Variants in NUDT3 observed in about 807,000 individuals in gnomAD.
NUDT3 encodes the protein nudix hydrolase 3.
In NUDT3, 9 loss-of-function variants were observed where a neutral mutation model predicts 23.6. The observed-to-expected ratio is 0.38, with a 90% CI of 0.23 to 0.66. NUDT3 has a LOEUF of 0.66. Ranked by LOEUF, NUDT3 falls within the 30% of genes least tolerant of loss-of-function variation. NUDT3 has a pLI of 0.52. For synonymous variants in NUDT3, 86 were observed against 82.6 expected, an observed-to-expected ratio of 1.04 and a Z score of -0.22; for missense variants, 172 against 218.5, an observed-to-expected ratio of 0.79 and a Z score of 1.34.
chr6:34,351,222 A>AAAAAAAAAAAAAAAAAAAAAAAAAC, intron 1 of NUDT3, among the ~76,000 whole-genome samples: 1 of 135,088 alleles, frequency 7.4e-6, no homozygotes, highest in Non-Finnish European at 1.6e-5. Context: ...AAAAAAAAAA[A>AAAAAAAAAAAAAAAAAAAAAAAAAC]AAAACACTTT....
At chr6:34,370,772 T>C (rs932139894) in intron 1 of NUDT3, among the ~76,000 whole-genome samples, 2 of 152,226 alleles carry the variant, frequency 1.3e-5, no homozygotes, top group Admixed American at 6.5e-5. Context: ...TGTTGTACTG[T>C]TGATGACAAT....
rs1029018333 is a variant in NUDT3 at position 34,294,681 on chromosome 6, G to A, written c.255+960C>T. Among the ~76,000 whole-genome samples, 9 of 150,774 alleles carry A rather than the reference G, an allele frequency of 6.0e-5. No individual in the cohort carries two copies. The South Asian group carries it at 6.3e-4, about 11-fold the overall frequency. ...GCGGAGGTTGTGGTGAGCCGACATC[G>A]CACCATTGCACTCCAGCCTGGGTGA... On this transcript the variant is annotated intron_variant, in intron 3 of 4. Transcript: ENST00000607016.
intron 2 of NUDT3, among the ~76,000 whole-genome samples, chr6:34,323,031 T>C (rs1763969628): frequency 6.6e-6 from 1 of 152,174 alleles, no homozygotes; most frequent in Admixed American, 6.5e-5. Flanking sequence ...TTCTCACTTA[T>C]GAGTGGGAGT....
At chr6:34,308,273 C>CATAGGG (rs750946026) in intron 2 of NUDT3, among the ~76,000 whole-genome samples, 31 of 147,628 alleles carry the variant, frequency 2.1e-4, no homozygotes, top group African/African-American at 3.0e-4. Flanking sequence ...GCCTGGTCAA[C>CATAGGG]ATAGGGACAC....
chr6:34,314,913 C>T (rs1763835873), intron 2 of NUDT3, among the ~76,000 whole-genome samples: 2 of 152,214 alleles, frequency 1.3e-5, no homozygotes, highest in South Asian at 4.1e-4. Flanking sequence ...AAATAATTTG[C>T]CAATACTATG....
Position 34,350,038 on chromosome 6 carries a change from G to A in NUDT3, c.100-8066C>T, listed in dbSNP as rs569631618. 1.0e-3 allele frequency among the ~76,000 whole-genome samples: 155 copies of A among 150,088 alleles called. 7 individuals carry two copies. Among genetic ancestry groups the A allele is most frequent in the Middle Eastern group, 3.4e-3 (1 of 294 alleles). On this transcript the variant is annotated intron_variant, in intron 1 of 4. Transcript: ENST00000607016. ...CGGGGGGTGGAGCTTGCAGTGAGCCGAGATCGCGCCACTGCACTCCAGCCT... is the reference window on the plus strand; with the variant it reads ...CGGGGGGTGGAGCTTGCAGTGAGCCAAGATCGCGCCACTGCACTCCAGCCT...
At chr6:34,293,216 C>T (rs1478021340) in intron 4 of NUDT3, among the ~76,000 whole-genome samples, 3 of 152,226 alleles carry the variant, frequency 2.0e-5, no homozygotes, top group Non-Finnish European at 4.4e-5. Flanking sequence ...GCATGTGCCA[C>T]CACGCCGAGC....
At chr6:34,291,564 G>A (rs1174811974) in intron 4 of NUDT3, among the ~76,000 whole-genome samples, 1 of 151,892 alleles carries the variant, frequency 6.6e-6, no homozygotes, top group Non-Finnish European at 1.5e-5. Flanking sequence ...GTGCATTGGT[G>A]TATTCTTGGC....
rs78206110 is a variant in NUDT3 at position 34,290,152 on chromosome 6, T to C, written c.341-1221A>G. 3.7e-4 allele frequency among the ~76,000 whole-genome samples: 57 copies of C among 152,330 alleles called. No homozygotes were observed. The East Asian group carries it at 0.011, about 29-fold the overall frequency. Reference sequence around the variant, plus strand: ...GTATGGAAAGCACCTGAAGAGTAACTGGCTGCTAAAAGAATGTGCTGCTGA... The same window carrying C: ...GTATGGAAAGCACCTGAAGAGTAACCGGCTGCTAAAAGAATGTGCTGCTGA... On this transcript the variant is annotated intron_variant, in intron 4 of 4. Coordinates refer to ENST00000607016, the MANE Select transcript of NUDT3 (RefSeq NM_006703.4).
intron 2 of NUDT3, among the ~76,000 whole-genome samples, chr6:34,308,244 G>A (rs1207326727): frequency 6.9e-6 from 1 of 144,724 alleles, no homozygotes; most frequent in Admixed American, 7.0e-5. Context: ...GATCACTTGA[G>A]CCTAGAAATT....
rs766507608 is a variant in NUDT3, at chr6:34,288,643, C to G, written c.*110G>C. On this transcript the variant is annotated 3_prime_UTR_variant, in exon 5 of 5. Transcript: ENST00000607016. ...CACCCTTTCTTTGCTGCCCACCATG[C>G]CTTATTTGAAAGAGGAGGCCTGTGA... 16 of 1,402,796 alleles carry G rather than the reference C, an allele frequency of 1.1e-5. No homozygotes were observed. The highest frequency in any genetic ancestry group is 1.5e-5 in the African/African-American group (1 of 68,490). The allele number at this position is 1,402,796 out of a possible 1,614,324, so 86.9% of individuals were successfully genotyped here.
chr6:34,329,349 C>T (rs1192067685), intron 2 of NUDT3, among the ~76,000 whole-genome samples: 2 of 152,182 alleles, frequency 1.3e-5, no homozygotes, highest in East Asian at 1.9e-4. Context: ...GGCGCGATCT[C>T]AGCTCACTGC....
chr6:34,374,981 A>G (rs867850976), intron 1 of NUDT3, among the ~76,000 whole-genome samples: 1 of 152,216 alleles, frequency 6.6e-6, no homozygotes, highest in Non-Finnish European at 1.5e-5. Flanking sequence ...GTCTATATGC[A>G]AAGGGATAAG....
chr6:34,312,075 G>A (rs1763782074), intron 2 of NUDT3, among the ~76,000 whole-genome samples: 1 of 152,094 alleles, frequency 6.6e-6, no homozygotes, highest in Admixed American at 6.6e-5. Flanking sequence ...TTGATAAGAT[G>A]AACTTCATTA....
chr6:34,366,490 A>AGGGG (rs1764735457), intron 1 of NUDT3, among the ~76,000 whole-genome samples: 2 of 11,906 alleles, frequency 1.7e-4, no homozygotes, highest in African/African-American at 3.4e-4. Context: ...GGAGGGAGGG[A>AGGGG]GGGAGGGAGG....
At chr6:34,310,277 C>T (rs1021540513) in intron 2 of NUDT3, among the ~76,000 whole-genome samples, 10 of 151,926 alleles carry the variant, frequency 6.6e-5, no homozygotes, top group African/African-American at 2.2e-4. Context: ...CGCCTGTAAT[C>T]CCAGAACTTT....
chr6:34,299,656 A>G (rs1368965373), intron 2 of NUDT3, among the ~76,000 whole-genome samples: 1 of 147,760 alleles, frequency 6.8e-6, no homozygotes, highest in Non-Finnish European at 1.5e-5. Flanking sequence ...CTATAATCCC[A>G]GCACTTTGGG....
chr6:34,295,496 G>A, intron 3 of NUDT3, 145 bp downstream of exon 3: 9 of 875,450 alleles, frequency 1.0e-5, no homozygotes, highest in Non-Finnish European at 1.5e-5. Context: ...ACTCCAGCCT[G>A]GGCGAGAGTG....
In NUDT3 at chr6:34,287,004, C is replaced by A. The variant is rs909049952; in HGVS notation, c.*1749G>T. 1 of 151,966 alleles carries A rather than the reference C, an allele frequency of 6.6e-6. No individual in the cohort carries two copies. Among genetic ancestry groups the A allele is most frequent in the Non-Finnish European group, 1.5e-5 (1 of 67,994 alleles). The allele number at this position is 151,966 out of a possible 1,614,324, so 9.4% of individuals were successfully genotyped here. A position where few individuals can be genotyped will look rare whatever the true frequency, so the allele number is the denominator to read the frequency against. On this transcript the variant is annotated 3_prime_UTR_variant, in exon 5 of 5. Transcript: ENST00000607016. The stretch of plus-strand genomic sequence containing the variant: ...ATGTTGGTCAGGCTGGTCTCAAACT[C>A]CTGACCTCAGGTGATCCACCTGCCT...
Sources: allele counts gnomAD v4.1 joint callset (sites outside exome capture counted in the v4.1 genomes callset), GRCh38; gene constraint gnomAD v4.1.1; transcripts MANE v1.5; gene names NCBI Gene and HGNC (gene_info 2026-07-23, HGNC 2026-07-21).